The following CES5A variants were observed in gnomAD, a reference collection of about 807,000 sequenced individuals.
CES5A encodes carboxylesterase 5A, also known as carboxylesterase 5.
In CES5A, 67 loss-of-function variants were observed where a neutral mutation model predicts 62.9. That is an observed-to-expected ratio of 1.07 (90% CI 0.88 to 1.31). The LOEUF (loss-of-function observed/expected upper bound fraction) is 1.31. CES5A is among the 50% of genes most tolerant of loss of function. The probability of loss-of-function intolerance (pLI) is 0.00; values close to 1 mark genes in which losing one functional copy is unlikely to be tolerated. For missense variants in CES5A, 748 were observed against 708.5 expected, an observed-to-expected ratio of 1.06 and a Z score of -0.63; for synonymous variants, 296 against 280.8, an observed-to-expected ratio of 1.05 and a Z score of -0.54.
chr16:55,886,000 A>G (rs2033811746), intron 1 of CES5A, among the ~76,000 whole-genome samples: 2 of 152,164 alleles, frequency 1.3e-5, no homozygotes, highest in Non-Finnish European at 2.9e-5. Context: ...CTACTGCACC[A>G]ATGCTTCCCC....
intron 1 of CES5A, among the ~76,000 whole-genome samples, chr16:55,915,174 G>C (rs920543712): frequency 2.0e-5 from 3 of 152,132 alleles, no homozygotes; most frequent in African/African-American, 7.2e-5. Context: ...GGTACCGGGA[G>C]AGCATTTGCT....
intron 1 of CES5A, among the ~76,000 whole-genome samples, chr16:55,918,522 C>T (rs2034170222): frequency 6.6e-6 from 1 of 152,200 alleles, no homozygotes; most frequent in African/African-American, 2.4e-5. Flanking sequence ...TCCTTACCAA[C>T]TTCTTATCAT....
At chr16:55,930,411 T>C (rs2034298360), upstream of CES5A, among the ~76,000 whole-genome samples, 1 of 152,204 alleles carries the variant, frequency 6.6e-6, no homozygotes, top group African/African-American at 2.4e-5. Context: ...CCCTGCCCAG[T>C]TATCTCTGAC....
intron 1 of CES5A, among the ~76,000 whole-genome samples, chr16:55,952,146 T>A (rs558870138): frequency 1.1e-4 from 16 of 152,202 alleles, no homozygotes; most frequent in Non-Finnish European, 2.2e-4. Context: ...AATGGCCAAA[T>A]AATTCTATGC....
chr16:55,920,830 C>T (rs1273657307), intron 1 of CES5A, among the ~76,000 whole-genome samples: 2 of 152,094 alleles, frequency 1.3e-5, no homozygotes, highest in Admixed American at 6.5e-5. Context: ...ACCAAGAATT[C>T]AAAATAGTAG....
At chr16:55,918,048 C>G (rs1410632628) in intron 1 of CES5A, among the ~76,000 whole-genome samples, 1 of 152,180 alleles carries the variant, frequency 6.6e-6, no homozygotes. Context: ...AGTGAAGCAG[C>G]AGTCAGCATC....
Position 55,872,249 on chromosome 16 carries a change from C to T in CES5A, c.279-486G>A, listed in dbSNP as rs2142413077. Among the ~76,000 whole-genome samples, 2 of 152,342 alleles carry T rather than the reference C, an allele frequency of 1.3e-5. 1 individual carries two copies. Among genetic ancestry groups the T allele is most frequent in the Middle Eastern group, 6.8e-3 (2 of 294 alleles). ...AGACTGGCAGGGAGACTCCTGCACC[C>T]AGGCTTTGCTCAAGCCGGGCCCTTG... is the stretch of plus-strand genomic sequence containing the variant. On this transcript the variant is annotated intron_variant, in intron 2 of 12. Coordinates refer to ENST00000290567, the MANE Select transcript of CES5A (RefSeq NM_001143685.2).
chr16:55,847,986 C>T (rs1038510895), intron 11 of CES5A, among the ~76,000 whole-genome samples: 20 of 152,090 alleles, frequency 1.3e-4, no homozygotes, highest in African/African-American at 4.1e-4. Context: ...CATAGCTCAC[C>T]GCAGCTTCCA....
intron 2 of CES5A, among the ~76,000 whole-genome samples, chr16:55,931,298 A>G (rs1290385691): frequency 6.6e-6 from 1 of 152,202 alleles, no homozygotes; most frequent in Non-Finnish European, 1.5e-5. Context: ...AGCCATGGAG[A>G]AGAGAAATCT....
At position 55,869,595 on chromosome 16, in the gene CES5A, A is replaced by C. The variant is rs2033539259; in HGVS notation, c.551+16T>G. ...CCTTTGGGGATCTGGGATGTCCATC[A>C]TTTGGAGAGACTCACGTGAAGAAAC... is the stretch of plus-strand genomic sequence containing the variant. On this transcript the variant is annotated intron_variant, in intron 4 of 12. Coordinates refer to ENST00000290567, the MANE Select transcript of CES5A (RefSeq NM_001143685.2). The C allele has an allele frequency of 6.2e-7, 1 of 1,612,802 alleles. No homozygotes were observed. The highest frequency in any genetic ancestry group is 8.5e-7 in the Non-Finnish European group (1 of 1,179,390).
chr16:55,940,497 A>T (rs553647561), intron 2 of CES5A, among the ~76,000 whole-genome samples: 2 of 152,148 alleles, frequency 1.3e-5, no homozygotes, highest in East Asian at 3.9e-4. Context: ...GAATAACCTA[A>T]ATAGTCCTAT....
chr16:55,866,658 T>TAAAAAAAAAAAAAAAAAAAAAAAAAAAA (rs369679801), intron 4 of CES5A, among the ~76,000 whole-genome samples: 4 of 82,842 alleles, frequency 4.8e-5, no homozygotes, highest in Non-Finnish European at 7.5e-5. Flanking sequence ...CTGTCTCTGC[T>TAAAAAAAAAAAAAAAAAAAAAAAAAAAA]AAAAAAAAAA....
chr16:55,938,779 T>TATATACAC (rs1555487386), intron 2 of CES5A, among the ~76,000 whole-genome samples: 1 of 89,898 alleles, frequency 1.1e-5, no homozygotes, highest in African/African-American at 5.9e-5. Flanking sequence ...TATATATATA[T>TATATACAC]ATATATATAT....
chr16:55,894,343 C>T (rs1445211782), intron 1 of CES5A, among the ~76,000 whole-genome samples: 1 of 151,588 alleles, frequency 6.6e-6, no homozygotes, highest in Non-Finnish European at 1.5e-5. Flanking sequence ...CCCATCTCTA[C>T]TAAAAGTACA....
upstream of CES5A, among the ~76,000 whole-genome samples, chr16:55,929,718 G>T (rs561479106): frequency 1.3e-5 from 2 of 152,306 alleles, no homozygotes; most frequent in Admixed American, 1.3e-4. Context: ...AGATTGTATT[G>T]AAGAAAGTGA....
intron 1 of CES5A, among the ~76,000 whole-genome samples, chr16:55,954,392 G>A (rs2034587371): frequency 1.3e-5 from 2 of 152,218 alleles, no homozygotes; most frequent in South Asian, 2.1e-4. Flanking sequence ...CTGGAGACAC[G>A]CTAAAGCTTC....
At chr16:55,893,761 G>A (rs1366814576) in intron 1 of CES5A, among the ~76,000 whole-genome samples, 2 of 152,110 alleles carry the variant, frequency 1.3e-5, no homozygotes, top group Non-Finnish European at 2.9e-5. Flanking sequence ...TAACATATGT[G>A]TAATTGAAAT....
intron 1 of CES5A, among the ~76,000 whole-genome samples, chr16:55,924,784 T>C (rs553784014): frequency 6.6e-5 from 10 of 151,542 alleles, no homozygotes; most frequent in South Asian, 2.1e-4. Context: ...TAAAGGACAA[T>C]AAATGATGCT....
At position 55,951,103 on chromosome 16, in the gene CES5A, C is replaced by CAAAAAAAAAAAAAA. The variant is rs55951124; in HGVS notation, c.43-1215_43-1202dup. Among the ~76,000 whole-genome samples the CAAAAAAAAAAAAAA allele has an allele frequency of 5.2e-4, 23 of 44,378 alleles. 2 individuals carry two copies. Among genetic ancestry groups the CAAAAAAAAAAAAAA allele is most frequent in the African/African-American group, 2.7e-3 (22 of 8,142 alleles). 29.1% of individuals were successfully genotyped at this position (44,378 alleles called of 152,430 possible). ...CCTGGGAGACAGCGAGACTCCATCTCAAAAAAAAAAAAAAAAAAAAAAAAA... is the reference window on the plus strand; with the variant it reads ...CCTGGGAGACAGCGAGACTCCATCTCAAAAAAAAAAAAAAAAAAAAAAAAAAAAAAAAAAAAAAA... On this transcript the variant is annotated intron_variant, in intron 1 of 13. Transcript: ENST00000521992.
Sources: gnomAD v4.1 joint callset for allele counts (sites outside exome capture counted in the v4.1 genomes callset) on GRCh38, gnomAD v4.1.1 for gene constraint, MANE v1.5 for transcripts, NCBI Gene and HGNC (gene_info 2026-07-23, HGNC 2026-07-21) for gene names.